Variants in PPIP5K2 observed in about 807,000 individuals in gnomAD.
The protein encoded by PPIP5K2 is inositol hexakisphosphate and diphosphoinositol-pentakisphosphate kinase 2.
A neutral mutation model predicts 154.6 loss-of-function variants in PPIP5K2; 105 were observed. The ratio of observed to expected loss-of-function variants is 0.68; its 90% CI spans 0.58 to 0.80. The LOEUF (loss-of-function observed/expected upper bound fraction) is 0.80. Among genes scored for constraint, PPIP5K2 ranks in the 30% least tolerant of loss-of-function variants. The pLI is 0.00. For missense variants in PPIP5K2, 992 were observed against 1,504.6 expected (o/e 0.66, Z 5.64); for synonymous variants, 480 against 490.3 (o/e 0.98, Z 0.28).
Position 103,152,752 on chromosome 5 carries a change from A to G in PPIP5K2, c.1130+3A>G, listed in dbSNP as rs1794821534. 1 of 1,522,818 alleles carries G rather than the reference A, an allele frequency of 6.6e-7. No individual in the cohort carries two copies. The highest frequency in any genetic ancestry group is 1.4e-5 in the African/African-American group (1 of 72,536). 94.3% of individuals were successfully genotyped at this position (1,522,818 alleles called of 1,614,324 possible). On this transcript the variant is annotated splice_donor_region_variant and intron_variant, in intron 10 of 30. Transcript: ENST00000358359. ...GTACCAACTACATCTGGAACTATGT[A>G]AGTCTGAATTATTTTCATTTAGAAA...
intron 5 of PPIP5K2, among the ~76,000 whole-genome samples, chr5:103,142,412 G>A (rs1049831758): frequency 7.9e-5 from 12 of 152,092 alleles, no homozygotes; most frequent in African/African-American, 2.4e-4. Context: ...TCCCGCTCGC[G>A]CCTCTCCCTC....
chr5:103,151,426 A>C, intron 9 of PPIP5K2, 52 bp downstream of exon 9: 1 of 1,382,666 alleles, frequency 7.2e-7, no homozygotes, highest in Non-Finnish European at 1.0e-6. Flanking sequence ...TTATTCAGAA[A>C]CCAAATAACT....
intron 5 of PPIP5K2, among the ~76,000 whole-genome samples, chr5:103,146,062 T>C (rs544088640): frequency 6.6e-6 from 1 of 152,176 alleles, no homozygotes; most frequent in African/African-American, 2.4e-5. Flanking sequence ...AAAGTAATCA[T>C]CATCTGAAAC....
chr5:103,140,836 C>CAA (rs34150862), intron 5 of PPIP5K2, among the ~76,000 whole-genome samples: 15 of 88,076 alleles, frequency 1.7e-4, no homozygotes, highest in Admixed American at 4.9e-4. Context: ...GACTCCGTCT[C>CAA]AAAAAAAAAA....
At chr5:103,188,982 C>T (rs1800815282) in intron 28 of PPIP5K2, 1 of 440,798 alleles carries the variant, frequency 2.3e-6, no homozygotes, top group Non-Finnish European at 4.0e-6. Context: ...ATTGTGTTGT[C>T]TTATCTGTCC....
At chr5:103,148,279 T>C in intron 7 of PPIP5K2, 1 of 468,856 alleles carries the variant, frequency 2.1e-6, no homozygotes, top group South Asian at 2.0e-5. Context: ...TATTCAAATA[T>C]AATAAAATAT....
intron 19 of PPIP5K2, among the ~76,000 whole-genome samples, chr5:103,171,030 C>A (rs1554219420): frequency 6.6e-6 from 1 of 151,374 alleles, no homozygotes; most frequent in South Asian, 2.1e-4. Context: ...CTTAAAAAAT[C>A]AGTTTCTACT....
intron 26 of PPIP5K2, 150 bp downstream of exon 26, chr5:103,184,894 T>C (rs151135834): frequency 7.2e-6 from 4 of 558,080 alleles, no homozygotes; most frequent in Non-Finnish European, 1.2e-5. Context: ...GTTGTATAAC[T>C]CAAAATAAAG....
intron 30 of PPIP5K2, among the ~76,000 whole-genome samples, chr5:103,198,152 T>G (rs1384788307): frequency 6.6e-6 from 1 of 152,138 alleles, no homozygotes; most frequent in Non-Finnish European, 1.5e-5. Flanking sequence ...ATTGCATATT[T>G]AGAAGTATAT....
chr5:103,171,118 C>T (rs1247006481), intron 19 of PPIP5K2, among the ~76,000 whole-genome samples: 1 of 151,354 alleles, frequency 6.6e-6, no homozygotes, highest in East Asian at 1.9e-4. Context: ...TTAAATGATG[C>T]ATATGGTCTA....
intron 24 of PPIP5K2, among the ~76,000 whole-genome samples, chr5:103,181,772 C>T (rs1417159134): frequency 2.0e-5 from 3 of 152,104 alleles, no homozygotes; most frequent in Non-Finnish European, 4.4e-5. Context: ...GTGCTCATTT[C>T]TACAGCCCCG....
At chr5:103,138,147 C>A (rs556220092) in intron 4 of PPIP5K2, among the ~76,000 whole-genome samples, 1 of 152,188 alleles carries the variant, frequency 6.6e-6, no homozygotes, top group South Asian at 2.1e-4. Context: ...TAATTAGTTT[C>A]TCAATAAGCT....
At position 103,190,873 on chromosome 5, in the gene PPIP5K2, T is replaced by G; in HGVS notation, c.3384T>G (p.Ile1128Met). 6.2e-7 allele frequency: 1 copy of G among 1,607,654 alleles called. No homozygotes were observed. The highest frequency in any genetic ancestry group is 8.5e-7 in the Non-Finnish European group (1 of 1,176,910). ...AATTGTATTCCATGGTGCCATCTATTTGTCCTCTAGAAACTCTTCATAATG... is the reference window on the plus strand; with the variant it reads ...AATTGTATTCCATGGTGCCATCTATGTGTCCTCTAGAAACTCTTCATAATG... ...GFELYSMVPSICPLETLHNAL... is the reference protein window; with the variant it reads ...GFELYSMVPSMCPLETLHNAL... The change falls in exon 29 of 31, where the codon ATT becomes ATG. Residue 1128 changes from isoleucine to methionine, a missense_variant. Around this residue, in one of 9 missense-constraint regions of PPIP5K2, gnomAD observed 29 missense variants for 56.4 expected, o/e 0.51. Coordinates refer to ENST00000358359, the MANE Select transcript of PPIP5K2 (RefSeq NM_001276277.3).
chr5:103,175,095 C>T (rs1554220607), intron 21 of PPIP5K2, among the ~76,000 whole-genome samples: 2 of 152,020 alleles, frequency 1.3e-5, no homozygotes. Context: ...CATCTGTGCA[C>T]GTCTGTGTAG....
chr5:103,192,616 G>T (rs1342373516), intron 29 of PPIP5K2, among the ~76,000 whole-genome samples: 3 of 152,192 alleles, frequency 2.0e-5, no homozygotes, highest in African/African-American at 7.2e-5. Flanking sequence ...GTTATGAAAG[G>T]ATAATTTTAG....
In PPIP5K2 at chr5:103,187,321, A is replaced by T; in HGVS notation, c.3297A>T (p.Thr1099=). The change falls in exon 28 of 31, where the codon ACA becomes ACT. Residue 1099 remains threonine, a synonymous_variant. Coordinates refer to ENST00000358359, the MANE Select transcript of PPIP5K2 (RefSeq NM_001276277.3). ...TGTTTTTCTCTTTCTTAGACGCCAC[A>T]CGCGGTTCTGCTGTTAAAAGGTTTT... is the stretch of plus-strand genomic sequence containing the variant. ...LTSSGCIDDA[T]RGSAVKRFSI... The T allele has an allele frequency of 6.5e-7, 1 of 1,535,140 alleles. No homozygotes were observed. The highest frequency in any genetic ancestry group is 8.7e-7 in the Non-Finnish European group (1 of 1,146,116).
At chr5:103,124,278 CAAA>C (rs71226931) in intron 1 of PPIP5K2, among the ~76,000 whole-genome samples, 2 of 126,874 alleles carry the variant, frequency 1.6e-5, no homozygotes, top group Non-Finnish European at 1.7e-5. Context: ...GACTCCATCT[CAAA>C]AAAAAAAAAA....
intron 29 of PPIP5K2, among the ~76,000 whole-genome samples, chr5:103,194,195 T>A (rs1801700449): frequency 6.7e-6 from 1 of 150,288 alleles, no homozygotes; most frequent in Non-Finnish European, 1.5e-5. Flanking sequence ...CGAGACAGAG[T>A]CTTGCTCTGT....
intron 21 of PPIP5K2, among the ~76,000 whole-genome samples, chr5:103,174,864 C>T (rs1798466790): frequency 6.6e-6 from 1 of 151,966 alleles, no homozygotes; most frequent in African/African-American, 2.4e-5. Context: ...TTGGAAAAGA[C>T]AAAATCTGCC....
Sources: gnomAD v4.1 joint callset for allele counts (sites outside exome capture counted in the v4.1 genomes callset) on GRCh38, gnomAD v4.1.1 for gene constraint, gnomAD v4.1.1 regional missense constraint, MANE v1.5 for transcripts, NCBI Gene and HGNC (gene_info 2026-07-23, HGNC 2026-07-21) for gene names.